PTK7: variants seen among roughly 807,000 people sequenced by gnomAD.
PTK7 encodes the protein protein tyrosine kinase 7 (inactive).
A neutral mutation model predicts 116.6 loss-of-function variants in PTK7; 39 were observed. That is an observed-to-expected ratio of 0.33 (90% CI 0.26 to 0.44). PTK7 has a LOEUF of 0.44. Among genes scored for constraint, PTK7 ranks in the 20% least tolerant of loss-of-function variants. The probability of loss-of-function intolerance (pLI) is 1.00; values close to 1 mark genes in which losing one functional copy is unlikely to be tolerated. For missense variants in PTK7, 1,169 were observed against 1,425.6 expected, an observed-to-expected ratio of 0.82 and a Z score of 2.90; for synonymous variants, 546 against 563.6, an observed-to-expected ratio of 0.97 and a Z score of 0.44.
intron 17 of PTK7, among the ~76,000 whole-genome samples, chr6:43,158,515 C>T (rs1771648716): frequency 6.6e-6 from 1 of 152,176 alleles, no homozygotes; most frequent in Non-Finnish European, 1.5e-5. Flanking sequence ...TTATTTTTCA[C>T]TGGACAAGTG....
chr6:43,076,765 G>C lies in PTK7; in HGVS notation c.79+198G>C. On this transcript the variant is annotated intron_variant, in intron 1 of 19. Transcript: ENST00000230419. The surrounding 1 kb of genome is among the most constrained non-coding windows in gnomAD (Gnocchi z 5.7). Reference sequence around the variant, plus strand: ...AGGCTGGCGAAGCCTCCAGGGACGCGGTCAGGGTACCCCTCCCACTCGCGC... The same window carrying C: ...AGGCTGGCGAAGCCTCCAGGGACGCCGTCAGGGTACCCCTCCCACTCGCGC... 7.1e-7 allele frequency: 1 copy of C among 1,398,892 alleles called. No individual in the cohort carries two copies. The highest frequency in any genetic ancestry group is 1.6e-5 in the South Asian group (1 of 63,520). 86.7% of individuals were successfully genotyped at this position (1,398,892 alleles called of 1,614,324 possible).
At chr6:43,084,540 C>A (rs1057079684) in intron 1 of PTK7, among the ~76,000 whole-genome samples, 3 of 152,010 alleles carry the variant, frequency 2.0e-5, no homozygotes, top group African/African-American at 7.3e-5. Flanking sequence ...CAGTCTGAAG[C>A]GGAGGTGTGG....
Position 43,129,196 on chromosome 6 carries a change from A to G in PTK7, c.299A>G (p.Gln100Arg). The G allele has an allele frequency of 1.2e-6, 2 of 1,614,116 alleles. No individual in the cohort carries two copies. The highest frequency in any genetic ancestry group is 1.7e-6 in the Non-Finnish European group (2 of 1,180,022). Residue 100 changes from glutamine to arginine, a missense_variant, in exon 2 of 20, where the codon CAG becomes CGG. Physicochemically the swap from Gln to Arg is conservative, Grantham distance 43. Around this residue, in one of 3 missense-constraint regions of PTK7, gnomAD observed 487 missense variants for 549.8 expected, o/e 0.89. Coordinates refer to ENST00000230419, the MANE Select transcript of PTK7 (RefSeq NM_002821.5). The surrounding 1 kb of genome is among the most constrained non-coding windows in gnomAD (Gnocchi z 4.5). ...CGGCTGCAGGACTCTGGCACCTTCC[A>G]GTGTGTGGCTCGGGATGATGTCACT... ...VDRLQDSGTF[Q>R]CVARDDVTGE...
At chr6:43,144,760 G>T in intron 15 of PTK7, 154 bp downstream of exon 15, 1 of 918,544 alleles carries the variant, frequency 1.1e-6, no homozygotes, top group Non-Finnish European at 1.6e-6. Context: ...TGTGGCCCCA[G>T]AGCCTGTTAT....
In PTK7 at chr6:43,129,222, G is replaced by A; in HGVS notation, c.325G>A (p.Gly109Arg). 1.2e-6 allele frequency: 2 copies of A among 1,614,142 alleles called. No individual in the cohort carries two copies. Among genetic ancestry groups the A allele is most frequent in the South Asian group, 1.1e-5 (1 of 91,086 alleles). ...FQCVARDDVT[G>R]EEARSANASF... Reference sequence around the variant, plus strand: ...GTGTGTGGCTCGGGATGATGTCACTGGAGAAGAAGCCCGCAGTGCCAACGC... The same window carrying A: ...GTGTGTGGCTCGGGATGATGTCACTAGAGAAGAAGCCCGCAGTGCCAACGC... Residue 109 changes from glycine (G) to arginine (R), a missense_variant, in exon 2 of 20, where the codon GGA becomes AGA. By Grantham distance (125) the Gly-to-Arg change is moderately radical. Coordinates refer to ENST00000230419, the MANE Select transcript of PTK7 (RefSeq NM_002821.5). The surrounding 1 kb of genome is among the most constrained non-coding windows in gnomAD (Gnocchi z 4.5).
chr6:43,122,827 GA>G (rs1461437265), intron 1 of PTK7, among the ~76,000 whole-genome samples: 1 of 151,898 alleles, frequency 6.6e-6, no homozygotes, highest in Non-Finnish European at 1.5e-5. Context: ...GGCTGGTCTC[GA>G]ACTCCTGACC....
intron 17 of PTK7, among the ~76,000 whole-genome samples, chr6:43,155,434 G>A (rs1771367857): frequency 6.6e-6 from 1 of 151,974 alleles, no homozygotes; most frequent in South Asian, 2.1e-4. Flanking sequence ...CGAGGTTAGG[G>A]GTTCGAGACC....
intron 1 of PTK7, among the ~76,000 whole-genome samples, chr6:43,119,275 G>C (rs1018908458): frequency 6.6e-6 from 1 of 152,092 alleles, no homozygotes; most frequent in Non-Finnish European, 1.5e-5. Flanking sequence ...TCTCCTAGGC[G>C]GGAGACAGAG....
In PTK7 at chr6:43,145,019, C is replaced by G. The variant is rs898204737; in HGVS notation, c.2408-181C>G. The G allele has an allele frequency of 4.1e-5, 21 of 512,994 alleles. No homozygotes were observed. The highest frequency in any genetic ancestry group is 3.6e-4 in the African/African-American group (19 of 52,996). 31.8% of individuals were successfully genotyped at this position (512,994 alleles called of 1,614,324 possible). On this transcript the variant is annotated intron_variant, in intron 15 of 19. Coordinates refer to ENST00000230419, the MANE Select transcript of PTK7 (RefSeq NM_002821.5). This position sits in a 1 kb window ranked among gnomAD's most constrained non-coding sequence, Gnocchi z 4.8. ...GAAAATGCTGAATATTAGTCCCACCCTTTTATTTTGTTGCTGCAGACACTG... is the reference window on the plus strand; with the variant it reads ...GAAAATGCTGAATATTAGTCCCACCGTTTTATTTTGTTGCTGCAGACACTG...
At position 43,099,110 on chromosome 6, in the gene PTK7, TTAAAAAAAAAAGGAAAAAA is replaced by T. The variant is rs568615084; in HGVS notation, c.79+22544_79+22562del. ...AGATAAGTCATTTAGGATCCAGTAC[TTAAAAAAAAAAGGAAAAAA>T]AATGTGACTTTGGCAATTCTAATGT... On this transcript the variant is annotated intron_variant, in intron 1 of 19. Transcript: ENST00000230419. Among the ~76,000 whole-genome samples, 13 of 149,346 alleles carry T rather than the reference TTAAAAAAAAAAGGAAAAAA, an allele frequency of 8.7e-5. 1 individual carries two copies. The South Asian group carries it at 2.7e-3, about 31-fold the overall frequency.
At chr6:43,158,990 G>A in intron 18 of PTK7, 22 bp downstream of exon 18, 1 of 1,611,396 alleles carries the variant, frequency 6.2e-7, no homozygotes, top group Non-Finnish European at 8.5e-7. Flanking sequence ...TGCGTGGGGT[G>A]GGGGCTCCCC....
At chr6:43,123,473 T>C (rs369747259) in intron 1 of PTK7, among the ~76,000 whole-genome samples, 21 of 152,178 alleles carry the variant, frequency 1.4e-4, no homozygotes, top group Non-Finnish European at 2.1e-4. Context: ...TTCCTGCTGC[T>C]CCCTGCTCTC....
At position 43,161,663 on chromosome 6, in the gene PTK7, TTTTG is replaced by T. The variant is rs1771852997; in HGVS notation, c.*786_*789del. Reference sequence around the variant, plus strand: ...TTTTTTGTTTGTTTTGTTTTTTTGTTTTTGTTTTTGTTTTTACACTCGCTGCTCT... The same window carrying T: ...TTTTTTGTTTGTTTTGTTTTTTTGTTTTTTTGTTTTTACACTCGCTGCTCT... On this transcript the variant is annotated 3_prime_UTR_variant, in exon 20 of 20. Coordinates refer to ENST00000230419, the MANE Select transcript of PTK7 (RefSeq NM_002821.5). 1 of 152,164 alleles carries T rather than the reference TTTTG, an allele frequency of 6.6e-6. No homozygotes were observed. Among genetic ancestry groups the T allele is most frequent in the Non-Finnish European group, 1.5e-5 (1 of 68,038 alleles). 9.4% of individuals were successfully genotyped at this position (152,164 alleles called of 1,614,324 possible).
At chr6:43,098,815 C>T (rs1322743376) in intron 1 of PTK7, among the ~76,000 whole-genome samples, 1 of 152,112 alleles carries the variant, frequency 6.6e-6, no homozygotes, top group Non-Finnish European at 1.5e-5. Context: ...AAAGCAAAGA[C>T]AGATATATCA....
At position 43,159,745 on chromosome 6, in the gene PTK7, C is replaced by T. The variant is rs115196384; in HGVS notation, c.2874-43C>T. ...GAGATGAGGGTGCAGCGCCAGGCCACGCTCCCACCCCACCTCACCCCTGGG... is the reference window on the plus strand; with the variant it reads ...GAGATGAGGGTGCAGCGCCAGGCCATGCTCCCACCCCACCTCACCCCTGGG... On this transcript the variant is annotated intron_variant, in intron 18 of 19. Coordinates refer to ENST00000230419, the MANE Select transcript of PTK7 (RefSeq NM_002821.5). 33 of 1,603,450 alleles carry T rather than the reference C, an allele frequency of 2.1e-5. No homozygotes were observed. In the South Asian group the frequency reaches 2.3e-4, roughly 11 times the overall value.
rs10591741 is a variant in PTK7, at chr6:43,118,102, CTTTT to C, written c.80-10858_80-10855del. Among the ~76,000 whole-genome samples the C allele has an allele frequency of 5.2e-3, 642 of 123,110 alleles. 12 individuals are homozygous for C. Among genetic ancestry groups the C allele is most frequent in the East Asian group, 0.035 (157 of 4,490 alleles). 80.8% of individuals were successfully genotyped at this position (123,110 alleles called of 152,430 possible). A position where few individuals can be genotyped will look rare whatever the true frequency, so the allele number is the denominator to read the frequency against. ...GCCAGAAGCAGGTGGTCAGATGGGC[CTTTT>C]TTTTTTTTTTTTTTTTGAGGGTGGA... On this transcript the variant is annotated intron_variant, in intron 1 of 19. Transcript: ENST00000230419.
intron 17 of PTK7, among the ~76,000 whole-genome samples, chr6:43,150,863 A>T: frequency 8.1e-6 from 1 of 123,160 alleles, no homozygotes; most frequent in East Asian, 2.5e-4. Flanking sequence ...GCTGGGTTGC[A>T]GTGGCACCAT....
intron 1 of PTK7, among the ~76,000 whole-genome samples, chr6:43,117,403 T>C (rs1048518434): frequency 2.0e-5 from 3 of 152,272 alleles, no homozygotes; most frequent in African/African-American, 7.2e-5. Context: ...AAAGGACTCA[T>C]GTGAAACACA....
rs78949718 is a variant in PTK7 at position 43,130,655 on chromosome 6, G to T, written c.806G>T (p.Arg269Leu). 1.2e-6 allele frequency: 2 copies of T among 1,614,138 alleles called. No individual in the cohort carries two copies. The highest frequency in any genetic ancestry group is 1.7e-6 in the Non-Finnish European group (2 of 1,180,016). ...LFEDETPITN[R>L]SRPPHLRRAT... ...GAGGATGAGACTCCCATCACTAACC[G>T]CAGTCGGTAAGGCATCTGGCTGGGA... Residue 269 changes from arginine to leucine, a missense_variant, in exon 5 of 20, where the codon CGC (arginine) becomes CTC (leucine). By Grantham distance (102) the Arg-to-Leu change is moderately radical (BLOSUM62 -2). Coordinates refer to ENST00000230419, the MANE Select transcript of PTK7 (RefSeq NM_002821.5).
Sources: allele counts gnomAD v4.1 joint callset (sites outside exome capture counted in the v4.1 genomes callset), GRCh38; gene constraint gnomAD v4.1.1; regional missense constraint gnomAD v4.1.1; non-coding constraint Gnocchi (gnomAD v3.1); transcripts MANE v1.5; gene names NCBI Gene and HGNC (gene_info 2026-07-23, HGNC 2026-07-21).